The following NUP188 variants were observed in gnomAD, a reference collection of about 807,000 sequenced individuals.
NUP188 encodes the protein nucleoporin NUP188.
Under a neutral mutation model 223.0 loss-of-function variants are expected in NUP188, and 97 were observed. That is an observed-to-expected ratio of 0.43 (90% confidence interval 0.37 to 0.51). The LOEUF (loss-of-function observed/expected upper bound fraction) is 0.51. Ranked by LOEUF, NUP188 falls within the 20% of genes least tolerant of loss-of-function variation. The probability of loss-of-function intolerance (pLI) is 0.00; values close to 1 mark genes in which losing one functional copy is unlikely to be tolerated. For missense variants in NUP188, 1,947 were observed against 2,175.6 expected, an observed-to-expected ratio of 0.89 and a Z score of 2.09; for synonymous variants, 869 against 828.0, an observed-to-expected ratio of 1.05 and a Z score of -0.85.
chr9:128,956,210 TGC>T (rs144622509), intron 3 of NUP188, 138 bp from the exon 4 acceptor site: 9 of 440,560 alleles, frequency 2.0e-5, no homozygotes, highest in South Asian at 3.5e-5. Flanking sequence ...TGTGTGTGTG[TGC>T]GTGTGTGTGT....
At chr9:128,956,929 T>C (rs377267047) in intron 4 of NUP188, 23 bp from the exon 5 acceptor site, 1 of 1,564,154 alleles carries the variant, frequency 6.4e-7, no homozygotes, top group Non-Finnish European at 8.8e-7. Context: ...AGCTGTTCCT[T>C]ACTTAAAATC....
chr9:128,988,943 C>G (rs1334513679), intron 24 of NUP188, among the ~76,000 whole-genome samples: 1 of 151,690 alleles, frequency 6.6e-6, no homozygotes, highest in African/African-American at 2.4e-5. Flanking sequence ...TTGGTAGAGA[C>G]GAGCTTTCGC....
chr9:128,987,086 A>AGAGAGAGAGT (rs1554829888), intron 22 of NUP188, among the ~76,000 whole-genome samples: 70 of 128,488 alleles, frequency 5.4e-4, no homozygotes, highest in African/African-American at 2.1e-3. Flanking sequence ...AGAGAGAGAG[A>AGAGAGAGAGT]GAGTGTGTGT....
intron 30 of NUP188, among the ~76,000 whole-genome samples, chr9:128,997,942 A>G (rs904985174): frequency 4.0e-5 from 6 of 149,814 alleles, no homozygotes; most frequent in Non-Finnish European, 7.4e-5. Context: ...GATGGTCTTG[A>G]TCTCCTGACC....
intron 31 of NUP188, 137 bp downstream of exon 31, chr9:128,998,365 CTG>C (rs1842568510): frequency 1.0e-6 from 1 of 1,000,712 alleles, no homozygotes; most frequent in Admixed American, 1.8e-5. Context: ...AGGCCTGAGA[CTG>C]TAGTGGGTCA....
intron 8 of NUP188, chr9:128,964,351 T>C: frequency 3.2e-6 from 1 of 309,614 alleles, no homozygotes. Flanking sequence ...GCTTGTCTTT[T>C]CCCACCTTAA....
At position 128,999,678 on chromosome 9, in the gene NUP188, A is replaced by G; in HGVS notation, c.3716A>G (p.Gln1239Arg). ...QLVLNVCETLQEEVIALFDQT... is the reference protein window; with the variant it reads ...QLVLNVCETLREEVIALFDQT... The stretch of plus-strand genomic sequence containing the variant: ...GTGCTGAATGTCTGTGAGACCCTCC[A>G]AGAGGAAGTGATTGCACTCTTCGAC... Residue 1239 changes from glutamine to arginine, a missense_variant, in exon 34 of 44, where the codon CAA becomes CGA. Coordinates refer to ENST00000372577, the MANE Select transcript of NUP188 (RefSeq NM_015354.3). The G allele has an allele frequency of 6.2e-7, 1 of 1,614,116 alleles. No homozygotes were observed. The highest frequency in any genetic ancestry group is 8.5e-7 in the Non-Finnish European group (1 of 1,180,022).
At position 129,006,626 on chromosome 9, in the gene NUP188, A is replaced by G; in HGVS notation, c.5198A>G (p.Gln1733Arg). 6.2e-7 allele frequency: 1 copy of G among 1,614,190 alleles called. No homozygotes were observed. The highest frequency in any genetic ancestry group is 8.5e-7 in the Non-Finnish European group (1 of 1,180,030). ...CTCTCCAAAGCCAGCCCTGAGAGTC[A>G]GGAGCCTCTGATCCAGTTGGTGCAG... ...TSLSKASPESQEPLIQLVQAF... is the reference protein window; with the variant it reads ...TSLSKASPESREPLIQLVQAF... Residue 1733 changes from glutamine (Q) to arginine (R), a missense_variant, in exon 44 of 44, where the codon CAG becomes CGG. Coordinates refer to ENST00000372577, the MANE Select transcript of NUP188 (RefSeq NM_015354.3).
At chr9:128,957,077 T>G in intron 5 of NUP188, 45 bp downstream of exon 5, 1 of 1,370,006 alleles carries the variant, frequency 7.3e-7, no homozygotes, top group Non-Finnish European at 1.0e-6. Flanking sequence ...TTATCCTTTT[T>G]CCCTGTTGGT....
Position 128,994,397 on chromosome 9 carries a change from C to T in NUP188, c.3042C>T (p.Thr1014=), listed in dbSNP as rs763579112. Residue 1014 remains threonine (T), a synonymous_variant, in exon 28 of 44, where the codon ACC becomes ACT. Coordinates refer to ENST00000372577, the MANE Select transcript of NUP188 (RefSeq NM_015354.3). The part of the protein sequence containing the change: ...RTKPKFWENL[T]SPLFGTLSPP... ...GACCCAAGTTTTGGGAAAATTTAACCAGTCCGCTGTTTGGAACCCTTTCTC... is the reference window on the plus strand; with the variant it reads ...GACCCAAGTTTTGGGAAAATTTAACTAGTCCGCTGTTTGGAACCCTTTCTC... 2 of 1,613,472 alleles carry T rather than the reference C, an allele frequency of 1.2e-6. No individual in the cohort carries two copies. Among genetic ancestry groups the T allele is most frequent in the African/African-American group, 1.3e-5 (1 of 75,010 alleles).
At chr9:128,949,649 A>C (rs923057590) in intron 2 of NUP188, among the ~76,000 whole-genome samples, 3 of 150,084 alleles carry the variant, frequency 2.0e-5, no homozygotes, top group Non-Finnish European at 4.4e-5. Flanking sequence ...TTATTTTGAG[A>C]TGGAGTTTCA....
intron 12 of NUP188, among the ~76,000 whole-genome samples, chr9:128,978,804 G>C (rs1276116683): frequency 6.6e-6 from 1 of 151,968 alleles, no homozygotes; most frequent in African/African-American, 2.4e-5. Flanking sequence ...CCATTGCCTG[G>C]GTTCAAGTGA....
intron 8 of NUP188, among the ~76,000 whole-genome samples, chr9:128,960,059 CTTTTTT>C (rs956759518): frequency 8.7e-5 from 9 of 103,790 alleles, no homozygotes; most frequent in African/African-American, 3.6e-4. Context: ...TTATTTTATT[CTTTTTT>C]TTTTTTTTTT....
At chr9:128,993,000 A>G in intron 25 of NUP188, 197 bp from the exon 26 acceptor site, 1 of 584,958 alleles carries the variant, frequency 1.7e-6, no homozygotes, top group Non-Finnish European at 3.1e-6. Context: ...ATTTCTTTAT[A>G]CTGATTACTG....
Position 128,994,403 on chromosome 9 carries a change from G to T in NUP188, c.3048G>T (p.Pro1016=), listed in dbSNP as rs760228021. ...KPKFWENLTS[P]LFGTLSPPSE... ...AGTTTTGGGAAAATTTAACCAGTCCGCTGTTTGGAACCCTTTCTCCTCCCT... is the reference window on the plus strand; with the variant it reads ...AGTTTTGGGAAAATTTAACCAGTCCTCTGTTTGGAACCCTTTCTCCTCCCT... Residue 1016 remains proline (P), a synonymous_variant, in exon 28 of 44, where the codon CCG becomes CCT. Coordinates refer to ENST00000372577, the MANE Select transcript of NUP188 (RefSeq NM_015354.3). The T allele has an allele frequency of 1.2e-6, 2 of 1,613,366 alleles. No individual in the cohort carries two copies. The highest frequency in any genetic ancestry group is 1.3e-5 in the African/African-American group (1 of 74,858).
chr9:128,972,864 T>C (rs1344219398), intron 11 of NUP188, among the ~76,000 whole-genome samples: 1 of 152,194 alleles, frequency 6.6e-6, no homozygotes, highest in Non-Finnish European at 1.5e-5. Flanking sequence ...CATTACCACA[T>C]GCAGACTGTT....
rs1355566807 is a variant in NUP188 at position 128,993,702 on chromosome 9, T to C, written c.3017+8T>C. 6.2e-7 allele frequency: 1 copy of C among 1,613,552 alleles called. No individual in the cohort carries two copies. Among genetic ancestry groups the C allele is most frequent in the Admixed American group, 1.7e-5 (1 of 59,978 alleles). ...GCTGGTCCTCCGAACCAAGTAAGTC[T>C]GCCTCTGGGAGTAGTTTCATTGTTC... On this transcript the variant is annotated splice_region_variant and intron_variant, in intron 27 of 43. Transcript: ENST00000372577.
At chr9:128,949,313 T>G in intron 2 of NUP188, 70 bp downstream of exon 2, 1 of 1,089,352 alleles carries the variant, frequency 9.2e-7, no homozygotes, top group Non-Finnish European at 1.4e-6. Context: ...AAAAAACCTT[T>G]TTTTAAATGT....
chr9:128,968,423 C>A, intron 8 of NUP188, 83 bp from the exon 9 acceptor site: 2 of 1,039,130 alleles, frequency 1.9e-6, no homozygotes, highest in Non-Finnish European at 2.9e-6. Context: ...CAGATTGAGA[C>A]CCTTTCTTTA....
Sources: allele counts gnomAD v4.1 joint callset (sites outside exome capture counted in the v4.1 genomes callset), GRCh38; gene constraint gnomAD v4.1.1; transcripts MANE v1.5; gene names NCBI Gene and HGNC (gene_info 2026-07-23, HGNC 2026-07-21).